COL6A1: variants seen among roughly 807,000 people sequenced by gnomAD.
The protein encoded by COL6A1 is collagen alpha-1(VI) chain.
COL6A1 carries 80 observed loss-of-function variants against 145.6 expected under a neutral mutation model. The ratio of observed to expected loss-of-function variants is 0.55; its 90% confidence interval spans 0.46 to 0.66. The LOEUF (loss-of-function observed/expected upper bound fraction) is 0.66. COL6A1 is among the 30% of genes least tolerant of loss of function. The pLI is 0.00. For synonymous variants in COL6A1, 638 were observed against 622.8 expected (o/e 1.02, Z -0.36); for missense variants, 1,364 against 1,473.8 (o/e 0.93, Z 1.22).
chr21:45,987,119 T>A, intron 5 of COL6A1, 36 bp from the exon 6 acceptor site: 3 of 1,583,722 alleles, frequency 1.9e-6, no homozygotes, highest in Non-Finnish European at 2.6e-6. Context: ...CGGCCGCAGG[T>A]GGAAAGTAAT....
chr21:45,998,693 C>T (rs1349679505), intron 24 of COL6A1, among the ~76,000 whole-genome samples: 4 of 152,200 alleles, frequency 2.6e-5, no homozygotes, highest in African/African-American at 7.2e-5. Flanking sequence ...CCCCTCGGTG[C>T]GCAGGGCAGG....
intron 29 of COL6A1, 36 bp from the exon 30 acceptor site, chr21:46,001,217 A>T: frequency 6.3e-7 from 1 of 1,591,616 alleles, no homozygotes; most frequent in South Asian, 1.1e-5. Context: ...ACTGGAGGGG[A>T]GGGGCGTGCT....
In COL6A1 at chr21:45,991,040, A is replaced by T. The variant is rs1404246917; in HGVS notation, c.1118A>T (p.Lys373Met). 1.9e-6 allele frequency: 3 copies of T among 1,613,080 alleles called. No individual in the cohort carries two copies. The African/African-American group carries it at 4.0e-5, about 22-fold the overall frequency. Reference sequence around the variant, plus strand: ...GGTGCCTTTGGACTGAAAGGAGAAAAGGTGAGTGACTTGCGGCCCCTGGAG... The same window carrying T: ...GGTGCCTTTGGACTGAAAGGAGAAATGGTGAGTGACTTGCGGCCCCTGGAG... ...DPGAFGLKGE[K>M]GEPGADGEAG... The change falls in exon 15 of 35, where the codon AAG becomes ATG. Residue 373 changes from lysine to methionine, a missense_variant and splice_region_variant. This residue lies in a region of COL6A1 where 938 missense variants were observed against 1,003.8 expected (regional missense o/e 0.93). Coordinates refer to ENST00000361866, the MANE Select transcript of COL6A1 (RefSeq NM_001848.3).
chr21:46,000,584 C>T (rs1019831455), intron 28 of COL6A1, among the ~76,000 whole-genome samples, 175 bp from the exon 29 acceptor site: 14 of 151,710 alleles, frequency 9.2e-5, no homozygotes, highest in African/African-American at 3.2e-4. Flanking sequence ...AGAGCTGCCA[C>T]GTGGGGAGGG....
In COL6A1 at chr21:45,992,387, C is replaced by G. The variant is rs987489395; in HGVS notation, c.1261C>G (p.Pro421Ala). Residue 421 changes from proline (P) to alanine (A), a missense_variant, in exon 18 of 35, where the codon CCC becomes GCC. Transcript: ENST00000361866. ...GGGGAACCCAGGACCTGACGGTGCC[C>G]CCGGGGAGCGGGTGAGTGGGGCAGG... is the stretch of plus-strand genomic sequence containing the variant. ...DEGNPGPDGAPGERGGPGERG... is the reference protein window; with the variant it reads ...DEGNPGPDGAAGERGGPGERG... 6.2e-7 allele frequency: 1 copy of G among 1,613,392 alleles called. No homozygotes were observed. Among genetic ancestry groups the G allele is most frequent in the Non-Finnish European group, 8.5e-7 (1 of 1,179,962 alleles).
chr21:46,000,638 G>A (rs1603593841), intron 28 of COL6A1, 121 bp from the exon 29 acceptor site: 3 of 1,021,976 alleles, frequency 2.9e-6, no homozygotes, highest in Non-Finnish European at 4.3e-6. Flanking sequence ...CGGGGAAGGG[G>A]GGAGGCCGGG....
chr21:45,986,694 C>T lies in COL6A1; in HGVS notation c.588+9C>T, dbSNP rs776935888. On this transcript the variant is annotated intron_variant, in intron 4 of 34. Transcript: ENST00000361866. ...TCACACCCGACCACCTGGTAGGCAC[C>T]GGCCCCCCCCGGCAGATGCCCCCAA... The T allele has an allele frequency of 1.7e-5, 26 of 1,541,704 alleles. No homozygotes were observed. The highest frequency in any genetic ancestry group is 7.9e-5 in the Admixed American group (4 of 50,950).
At chr21:46,002,438 T>C in intron 32 of COL6A1, 37 bp downstream of exon 32, 1 of 1,612,546 alleles carries the variant, frequency 6.2e-7, no homozygotes, top group South Asian at 1.1e-5. Flanking sequence ...CTGCCCCGCC[T>C]AGGGCGCCCC....
intron 3 of COL6A1, among the ~76,000 whole-genome samples, chr21:45,985,021 GGCAGAGAGAA>G (rs2077730561): frequency 6.6e-6 from 1 of 151,646 alleles, no homozygotes; most frequent in Admixed American, 6.6e-5. Context: ...AAAAGACAGA[GGCAGAGAGAA>G]GCAGAGACAG....
At position 45,984,508 on chromosome 21, in the gene COL6A1, C is replaced by G. The variant is rs148766287; in HGVS notation, c.428+39C>G. ...AGCCTCCTGCCCACGCCAGTTCTCA[C>G]GCGTGGTACCCAGCCTGGGCTGGGG... On this transcript the variant is annotated intron_variant, in intron 3 of 34. Transcript: ENST00000361866. The G allele has an allele frequency of 0.013, 20,417 of 1,588,504 alleles. 193 individuals are homozygous for G. Among genetic ancestry groups the G allele is most frequent in the Non-Finnish European group, 0.015 (17,883 of 1,167,930 alleles).
In COL6A1 at chr21:45,992,813, G is replaced by A. The variant is rs1205544253; in HGVS notation, c.1335+3G>A. 2.5e-6 allele frequency: 4 copies of A among 1,594,800 alleles called. No individual in the cohort carries two copies. The highest frequency in any genetic ancestry group is 1.3e-5 in the African/African-American group (1 of 74,760). On this transcript the variant is annotated splice_donor_region_variant and intron_variant, in intron 19 of 34. Transcript: ENST00000361866. ...CGCGGGGACCAAGAGGAGACCCTGTGAGTCACAGTTCCTGGAGCTGGGAAC... is the reference window on the plus strand; with the variant it reads ...CGCGGGGACCAAGAGGAGACCCTGTAAGTCACAGTTCCTGGAGCTGGGAAC...
chr21:46,003,295 C>T (rs1409567867), intron 34 of COL6A1, 96 bp from the exon 35 acceptor site: 11 of 1,602,226 alleles, frequency 6.9e-6, no homozygotes, highest in Admixed American at 1.7e-5. Flanking sequence ...ACCACCGTGC[C>T]GTGCCCTCTC....
In COL6A1 at chr21:45,990,218, A is replaced by G. The variant is rs1328746763; in HGVS notation, c.931-40A>G. On this transcript the variant is annotated intron_variant, in intron 11 of 34. Transcript: ENST00000361866. ...AAGCCAGGCTTGCCCTGCCCTCCCC[A>G]CCCCAAATACCCCCTCACACCCGCT... The G allele has an allele frequency of 4.3e-6, 6 of 1,410,054 alleles. No homozygotes were observed. In the African/African-American group the frequency reaches 5.7e-5, roughly 13 times the overall value. 87.3% of individuals were successfully genotyped at this position (1,410,054 alleles called of 1,614,324 possible).
Position 46,001,945 on chromosome 21 carries a change from G to A in COL6A1, c.1957-16G>A, listed in dbSNP as rs373143020. 24 of 1,609,322 alleles carry A rather than the reference G, an allele frequency of 1.5e-5. No homozygotes were observed. The highest frequency in any genetic ancestry group is 4.5e-5 in the East Asian group (2 of 44,768). ...GGGGCAGCACTCGCGTCCTGACCCC[G>A]GTGCCGGTCCCACAGTTCGAGCCAG... On this transcript the variant is annotated splice_polypyrimidine_tract_variant and intron_variant, in intron 30 of 34. Coordinates refer to ENST00000361866, the MANE Select transcript of COL6A1 (RefSeq NM_001848.3).
chr21:46,002,890 G>A (rs994744890), intron 33 of COL6A1, among the ~76,000 whole-genome samples, 180 bp downstream of exon 33: 1 of 151,378 alleles, frequency 6.6e-6, no homozygotes, highest in Non-Finnish European at 1.5e-5. Flanking sequence ...AGGCGCCCAG[G>A]GCTGTCCCAG....
chr21:45,990,726 T>C (rs377574942), intron 13 of COL6A1, 47 bp from the exon 14 acceptor site: 25 of 1,566,108 alleles, frequency 1.6e-5, no homozygotes, highest in African/African-American at 4.1e-5. Context: ...TTGGCCTCAG[T>C]TTACCCACTT....
intron 11 of COL6A1, among the ~76,000 whole-genome samples, 170 bp from the exon 12 acceptor site, chr21:45,990,088 C>T (rs566726575): frequency 1.4e-5 from 2 of 143,398 alleles, no homozygotes; most frequent in African/African-American, 5.0e-5. Flanking sequence ...GGCGGTTACC[C>T]TCTGCAGAGC....
intron 30 of COL6A1, among the ~76,000 whole-genome samples, 165 bp downstream of exon 30, chr21:46,001,551 C>T (rs1382933877): frequency 6.6e-6 from 1 of 152,248 alleles, no homozygotes; most frequent in Non-Finnish European, 1.5e-5. Flanking sequence ...TCCAGGCCTC[C>T]AGCTCCACCT....
At chr21:45,993,028 G>A (rs369857779) in intron 19 of COL6A1, among the ~76,000 whole-genome samples, 8 of 152,226 alleles carry the variant, frequency 5.3e-5, no homozygotes, top group African/African-American at 1.7e-4. Context: ...GGCGTTGCCC[G>A]TGGACCCGGT....
Sources: allele counts gnomAD v4.1 joint callset (sites outside exome capture counted in the v4.1 genomes callset), GRCh38; gene constraint gnomAD v4.1.1; regional missense constraint gnomAD v4.1.1; transcripts MANE v1.5; gene names NCBI Gene and HGNC (gene_info 2026-07-23, HGNC 2026-07-21).